The following ADAM11 variants were observed in gnomAD, a reference collection of about 807,000 sequenced individuals.
ADAM11 encodes ADAM metallopeptidase domain 11.
A neutral mutation model predicts 119.1 loss-of-function variants in ADAM11; 49 were observed. That is an observed-to-expected ratio of 0.41 (90% CI 0.33 to 0.52). ADAM11 has a LOEUF of 0.52. ADAM11 is among the 20% of genes least tolerant of loss of function. The pLI, the probability that ADAM11 is intolerant of heterozygous loss-of-function variation, is 0.20. For synonymous variants in ADAM11, 364 were observed against 408.0 expected (o/e 0.89, Z 1.30); for missense variants, 777 against 1,047.5 (o/e 0.74, Z 3.56).
chr17:44,770,501 C>T (rs867724262), intron 4 of ADAM11, among the ~76,000 whole-genome samples: 2 of 10,712 alleles, frequency 1.9e-4, no homozygotes, highest in African/African-American at 2.7e-4. Flanking sequence ...CCCCCCCCCG[C>T]CCCCACTGCC....
At position 44,769,850 on chromosome 17, in the gene ADAM11, G is replaced by A. The variant is rs774931194; in HGVS notation, c.314+56G>A. On this transcript the variant is annotated intron_variant, in intron 3 of 26. Transcript: ENST00000200557. ...GCAGTGGTGGGGCGGGGGAGACATG[G>A]CTAGGGCCTGGCTGCTGGGGGTCTG... 4 of 1,603,214 alleles carry A rather than the reference G, an allele frequency of 2.5e-6. No homozygotes were observed. In the South Asian group the frequency reaches 3.3e-5, roughly 13 times the overall value.
At position 44,777,068 on chromosome 17, in the gene ADAM11, G is replaced by T; in HGVS notation, c.1682-98G>T. The T allele has an allele frequency of 5.2e-6, 8 of 1,542,668 alleles. No homozygotes were observed. The highest frequency in any genetic ancestry group is 7.0e-6 in the Non-Finnish European group (8 of 1,137,038). ...AGGCCCCCAAGTGTGTAGCTCCCCAGGATCTCAGGGACCCAGGCAGAGTGT... is the reference window on the plus strand; with the variant it reads ...AGGCCCCCAAGTGTGTAGCTCCCCATGATCTCAGGGACCCAGGCAGAGTGT... On this transcript the variant is annotated intron_variant, in intron 20 of 26. Transcript: ENST00000200557. The surrounding 1 kb of genome is among the most constrained non-coding windows in gnomAD (Gnocchi z 5.1).
chr17:44,762,291 G>A (rs952626488), intron 2 of ADAM11, among the ~76,000 whole-genome samples: 1 of 152,184 alleles, frequency 6.6e-6, no homozygotes, highest in Non-Finnish European at 1.5e-5. Flanking sequence ...TTGGGTCCAG[G>A]AGGCAGTCTC....
chr17:44,771,712 C>A (rs374275292), intron 5 of ADAM11, 43 bp downstream of exon 5: 59 of 1,613,380 alleles, frequency 3.7e-5, no homozygotes, highest in Non-Finnish European at 4.7e-5. Context: ...AAGCCTCTGG[C>A]CCAGGCCTGG....
chr17:44,776,297 C>G lies in ADAM11; in HGVS notation c.1566+90C>G. On this transcript the variant is annotated intron_variant, in intron 18 of 26. Transcript: ENST00000200557. The surrounding 1 kb of genome is among the most constrained non-coding windows in gnomAD (Gnocchi z 5.2). ...TTTTCCCGGACGAGTGCTCAGCACT[C>G]CCCTCCTCTCCACAGCTGGCATCGA... 1 of 1,376,390 alleles carries G rather than the reference C, an allele frequency of 7.3e-7. No individual in the cohort carries two copies. The allele number at this position is 1,376,390 out of a possible 1,614,324, so 85.3% of individuals were successfully genotyped here.
Position 44,775,536 on chromosome 17 carries a change from G to A in ADAM11, c.1393-48G>A. 2 of 1,565,728 alleles carry A rather than the reference G, an allele frequency of 1.3e-6. No individual in the cohort carries two copies. Among genetic ancestry groups the A allele is most frequent in the Non-Finnish European group, 1.7e-6 (2 of 1,159,056 alleles). On this transcript the variant is annotated intron_variant, in intron 16 of 26. Coordinates refer to ENST00000200557, the MANE Select transcript of ADAM11 (RefSeq NM_002390.6). This position sits in a 1 kb window ranked among gnomAD's most constrained non-coding sequence, Gnocchi z 7.5. ...TGGGCACGAGGGAGCGTCTGAGTGG[G>A]AGGATTAGGGCTCGCCCGCCTCCTT...
chr17:44,759,845 T>C lies in ADAM11; in HGVS notation c.185T>C (p.Val62Ala). ...GTTAGGGAGAGCTCCGGGGGAGAGG[T>C]CCGAAAGCAGCAGCTGGACACAAGG... ...RLVRESSGGEVRKQQLDTRVR... is the reference protein window; with the variant it reads ...RLVRESSGGEARKQQLDTRVR... Residue 62 changes from valine to alanine, a missense_variant, in exon 2 of 27, where the codon GTC (valine) becomes GCC (alanine). Coordinates refer to ENST00000200557, the MANE Select transcript of ADAM11 (RefSeq NM_002390.6). 3 of 1,313,534 alleles carry C rather than the reference T, an allele frequency of 2.3e-6. No homozygotes were observed. The highest frequency in any genetic ancestry group is 2.0e-6 in the Non-Finnish European group (2 of 1,023,080). The allele number at this position is 1,313,534 out of a possible 1,614,324, so 81.4% of individuals were successfully genotyped here. A position where few individuals can be genotyped will look rare whatever the true frequency, so the allele number is the denominator to read the frequency against.
chr17:44,764,828 G>A (rs1450296082), intron 2 of ADAM11, among the ~76,000 whole-genome samples: 2 of 152,160 alleles, frequency 1.3e-5, no homozygotes, highest in Non-Finnish European at 2.9e-5. Flanking sequence ...AAGAGCCGAT[G>A]GTCAACATCT....
rs576354599 is a variant in ADAM11, at chr17:44,760,777, G to A, written c.237+880G>A. Among the ~76,000 whole-genome samples, 6 of 152,224 alleles carry A rather than the reference G, an allele frequency of 3.9e-5. No individual in the cohort carries two copies. In the South Asian group the frequency reaches 1.0e-3, roughly 26 times the overall value. On this transcript the variant is annotated intron_variant, in intron 2 of 26. Transcript: ENST00000200557. Reference sequence around the variant, plus strand: ...GGGAGGTAAATTGGGCTGGGCAGAGGGAGGAAGGAGGGAAACGGAGGCTAA... The same window carrying A: ...GGGAGGTAAATTGGGCTGGGCAGAGAGAGGAAGGAGGGAAACGGAGGCTAA...
intron 25 of ADAM11, among the ~76,000 whole-genome samples, chr17:44,778,477 A>G (rs2049638405): frequency 6.6e-6 from 1 of 152,118 alleles, no homozygotes. Flanking sequence ...GGATCACCTG[A>G]GGTCAGGAAT....
In ADAM11 at chr17:44,776,265, G is replaced by A. The variant is rs2049600633; in HGVS notation, c.1566+58G>A. 1 of 1,594,180 alleles carries A rather than the reference G, an allele frequency of 6.3e-7. No homozygotes were observed. The highest frequency in any genetic ancestry group is 8.6e-7 in the Non-Finnish European group (1 of 1,164,878). ...GGGCGAGGCAACCCCTACCCTTGTC[G>A]ATTTGGTTTTCCCGGACGAGTGCTC... is the stretch of plus-strand genomic sequence containing the variant. On this transcript the variant is annotated intron_variant, in intron 18 of 26. Coordinates refer to ENST00000200557, the MANE Select transcript of ADAM11 (RefSeq NM_002390.6). The surrounding 1 kb of genome is among the most constrained non-coding windows in gnomAD (Gnocchi z 5.2).
intron 4 of ADAM11, 41 bp from the exon 5 acceptor site, chr17:44,771,543 G>A (rs749930721): frequency 1.4e-5 from 23 of 1,598,942 alleles, no homozygotes; most frequent in South Asian, 3.3e-5. Context: ...GGCTGCCCCC[G>A]GCCTCATGCC....
chr17:44,777,967 G>A lies in ADAM11; in HGVS notation c.2086G>A (p.Gly696Arg), dbSNP rs780409690. Residue 696 changes from glycine (G) to arginine (R), a missense_variant, in exon 24 of 27, where the codon GGG becomes AGG. Physicochemically the swap from Gly to Arg is moderately radical, Grantham distance 125. This residue lies in a region of ADAM11 where 348 missense variants were observed against 486.7 expected (regional missense o/e 0.72). Transcript: ENST00000200557. This position sits in a 1 kb window ranked among gnomAD's most constrained non-coding sequence, Gnocchi z 5.1. The stretch of plus-strand genomic sequence containing the variant: ...CTGCCTCTAGGTCTGCAGCAATGAA[G>A]GGAAGTGCATCTGTCAGCCAGACTG... The part of the protein sequence containing the change: ...CSHHGVCSNE[G>R]KCICQPDWTG... 2 of 1,614,080 alleles carry A rather than the reference G, an allele frequency of 1.2e-6. No homozygotes were observed. Among genetic ancestry groups the A allele is most frequent in the Non-Finnish European group, 1.7e-6 (2 of 1,180,016 alleles).
chr17:44,775,554 G>T lies in ADAM11; in HGVS notation c.1393-30G>T. On this transcript the variant is annotated intron_variant, in intron 16 of 26. Transcript: ENST00000200557. This position sits in a 1 kb window ranked among gnomAD's most constrained non-coding sequence, Gnocchi z 7.5. ...TGAGTGGGAGGATTAGGGCTCGCCC[G>T]CCTCCTTCCCCTCCTCCCGCGTCCC... 2 of 1,560,264 alleles carry T rather than the reference G, an allele frequency of 1.3e-6. No individual in the cohort carries two copies. The highest frequency in any genetic ancestry group is 1.4e-5 in the African/African-American group (1 of 73,982).
intron 1 of ADAM11, 97 bp from the exon 2 acceptor site, chr17:44,759,625 G>T: frequency 7.7e-7 from 1 of 1,306,258 alleles, no homozygotes; most frequent in Middle Eastern, 2.8e-4. Context: ...GGCTCCAGGG[G>T]CCACACCAGA....
chr17:44,779,150 GC>G (rs2049654314), intron 25 of ADAM11, 71 bp from the exon 26 acceptor site: 2 of 1,545,614 alleles, frequency 1.3e-6, no homozygotes, highest in Non-Finnish European at 1.7e-6. Context: ...GCAGCCAAAG[GC>G]CCCTCCCTGA....
chr17:44,760,166 C>G (rs2049373059), intron 2 of ADAM11, among the ~76,000 whole-genome samples: 1 of 152,216 alleles, frequency 6.6e-6, no homozygotes. Flanking sequence ...TTTGGGTCAG[C>G]CTTCCAATGG....
In ADAM11 at chr17:44,772,798, G is replaced by GAA. The variant is rs1422552729; in HGVS notation, c.679-59_679-58insAA. 5.9e-6 allele frequency: 9 copies of GAA among 1,519,032 alleles called. No homozygotes were observed. In the East Asian group the frequency reaches 2.0e-4, roughly 34 times the overall value. The allele number at this position is 1,519,032 out of a possible 1,614,324, so 94.1% of individuals were successfully genotyped here. A position where few individuals can be genotyped will look rare whatever the true frequency, so the allele number is the denominator to read the frequency against. ...TCCCCACCGAGTCTGTTCCTGGCTT[G>GAA]GCCATGAGATCAGTCAGACATGGAA... On this transcript the variant is annotated intron_variant, in intron 8 of 26. Coordinates refer to ENST00000200557, the MANE Select transcript of ADAM11 (RefSeq NM_002390.6). The surrounding 1 kb of genome is among the most constrained non-coding windows in gnomAD (Gnocchi z 4.5).
At chr17:44,778,686 G>A (rs1443443492) in intron 25 of ADAM11, among the ~76,000 whole-genome samples, 1 of 10,496 alleles carries the variant, frequency 9.5e-5, no homozygotes, top group Non-Finnish European at 1.7e-4. Context: ...GCAAGACTGC[G>A]TCAAAAAAAA....
Sources: gnomAD v4.1 joint callset for allele counts (sites outside exome capture counted in the v4.1 genomes callset) on GRCh38, gnomAD v4.1.1 for gene constraint, gnomAD v4.1.1 regional missense constraint, Gnocchi (gnomAD v3.1) non-coding constraint, MANE v1.5 for transcripts, NCBI Gene and HGNC (gene_info 2026-07-23, HGNC 2026-07-21) for gene names.